Variants in DLGAP2 observed in about 807,000 individuals in gnomAD.
DLGAP2 encodes the protein disks large-associated protein 2.
In DLGAP2, 26 loss-of-function variants were observed where a neutral mutation model predicts 100.3. The observed-to-expected ratio is 0.26, with a 90% confidence interval of 0.19 to 0.36. DLGAP2 has a LOEUF of 0.36. Ranked by LOEUF, DLGAP2 falls within the 10% of genes least tolerant of loss-of-function variation. The pLI is 1.00. For missense variants in DLGAP2, 1,858 were observed against 1,453.2 expected (o/e 1.28, Z -4.53); for synonymous variants, 886 against 630.1 (o/e 1.41, Z -6.08).
At chr8:1,457,975 CATATAT>C (rs57897392) in intron 3 of DLGAP2, among the ~76,000 whole-genome samples, 2,922 of 107,676 alleles carry the variant, frequency 0.027, 72 homozygotes, top group East Asian at 0.13. Flanking sequence ...GTTCTCTGAT[CATATAT>C]ATATATATAT....
chr8:890,302 G>A (rs1359784237), intron 1 of DLGAP2, among the ~76,000 whole-genome samples: 1 of 152,200 alleles, frequency 6.6e-6, no homozygotes, highest in Non-Finnish European at 1.5e-5. Context: ...AGCGTGGTTT[G>A]CTGCAGGACT....
At chr8:1,216,968 CT>C (rs1459857893) in intron 2 of DLGAP2, among the ~76,000 whole-genome samples, 1 of 152,100 alleles carries the variant, frequency 6.6e-6, no homozygotes, top group East Asian at 1.9e-4. Context: ...TTTTCTTCAA[CT>C]TTTACCTTAG....
chr8:1,259,044 A>T (rs190848441), intron 3 of DLGAP2, among the ~76,000 whole-genome samples, 161 bp downstream of exon 3: 2 of 152,344 alleles, frequency 1.3e-5, no homozygotes, highest in African/African-American at 2.4e-5. Flanking sequence ...AATTGAAGCA[A>T]AGTGCAAGGT....
chr8:1,146,554 T>G (rs111642566), intron 2 of DLGAP2, among the ~76,000 whole-genome samples: 6 of 150,810 alleles, frequency 4.0e-5, no homozygotes, highest in Non-Finnish European at 7.4e-5. Context: ...TCTCTGGAAC[T>G]GTGTGTGTGC....
intron 3 of DLGAP2, among the ~76,000 whole-genome samples, chr8:1,287,169 C>CGT (rs1799942352): frequency 9.3e-6 from 1 of 108,068 alleles, no homozygotes; most frequent in African/African-American, 4.1e-5. Flanking sequence ...CGCGCGCGCG[C>CGT]GTGGTTCTGT....
chr8:1,432,093 A>G (rs1793337403), intron 3 of DLGAP2, among the ~76,000 whole-genome samples: 1 of 149,590 alleles, frequency 6.7e-6, no homozygotes, highest in African/African-American at 2.5e-5. Context: ...GCACTGCTAC[A>G]GGCTGCCATC....
At chr8:965,772 C>A (rs867006860) in intron 2 of DLGAP2, among the ~76,000 whole-genome samples, 1 of 144,802 alleles carries the variant, frequency 6.9e-6, no homozygotes, top group Non-Finnish European at 1.5e-5. Flanking sequence ...CCCTGCGCTG[C>A]ACACGGCACT....
chr8:1,261,876 C>T (rs1799357262), intron 3 of DLGAP2, among the ~76,000 whole-genome samples: 1 of 152,218 alleles, frequency 6.6e-6, no homozygotes, highest in Non-Finnish European at 1.5e-5. Context: ...CGAGTTAACT[C>T]ATAAATGTCA....
At chr8:1,682,893 C>T (rs781429062) in intron 12 of DLGAP2, among the ~76,000 whole-genome samples, 1 of 151,556 alleles carries the variant, frequency 6.6e-6, no homozygotes, top group African/African-American at 2.4e-5. Flanking sequence ...TTCCCCTAAA[C>T]ATATGTTTGG....
chr8:1,022,724 G>C (rs998347914), intron 2 of DLGAP2, among the ~76,000 whole-genome samples: 6 of 150,758 alleles, frequency 4.0e-5, no homozygotes, highest in African/African-American at 1.5e-4. Flanking sequence ...ACAGTACCGT[G>C]CCGAGGTAGA....
intron 2 of DLGAP2, among the ~76,000 whole-genome samples, chr8:974,177 C>T (rs1383355282): frequency 2.0e-5 from 3 of 152,064 alleles, no homozygotes; most frequent in Non-Finnish European, 4.4e-5. Context: ...CTAAAAGAAC[C>T]AGCAAGATAT....
chr8:1,128,172 C>G (rs1033012743), intron 2 of DLGAP2, among the ~76,000 whole-genome samples: 4 of 141,686 alleles, frequency 2.8e-5, no homozygotes, highest in African/African-American at 5.3e-5. Context: ...TGTTGTGTTC[C>G]GTGAGGACCT....
At chr8:1,003,195 G>C (rs558770416) in intron 2 of DLGAP2, 1 of 152,222 alleles carries the variant, frequency 6.6e-6, no homozygotes, top group Non-Finnish European at 1.5e-5. Context: ...GACTCTAAAG[G>C]GTGGGTCTCA....
At chr8:915,432 A>C (rs1323468374) in intron 2 of DLGAP2, among the ~76,000 whole-genome samples, 1 of 152,110 alleles carries the variant, frequency 6.6e-6, no homozygotes, top group Non-Finnish European at 1.5e-5. Context: ...CTGTAGTCCT[A>C]GCTACTCGGG....
intron 2 of DLGAP2, among the ~76,000 whole-genome samples, chr8:1,044,786 T>A (rs1802471229): frequency 6.6e-6 from 1 of 152,188 alleles, no homozygotes; most frequent in Non-Finnish European, 1.5e-5. Context: ...ATGGAAGAGC[T>A]ACCCCAGATC....
intron 4 of DLGAP2, among the ~76,000 whole-genome samples, chr8:1,539,858 C>T (rs536900977): frequency 2.7e-4 from 40 of 146,146 alleles, no homozygotes; most frequent in Non-Finnish European, 5.2e-4. Flanking sequence ...GTAGGGCCTC[C>T]CTTCCCTGCC....
intron 3 of DLGAP2, among the ~76,000 whole-genome samples, chr8:1,433,342 G>A (rs1445947077): frequency 6.6e-6 from 1 of 152,236 alleles, no homozygotes; most frequent in Non-Finnish European, 1.5e-5. Context: ...TCCAGTCCTA[G>A]GAGTGCATGG....
intron 2 of DLGAP2, among the ~76,000 whole-genome samples, chr8:1,097,181 T>C (rs1332720920): frequency 8.0e-6 from 1 of 125,692 alleles, no homozygotes; most frequent in African/African-American, 3.3e-5. Context: ...CAGCTCCCTC[T>C]GCTCAGGAGA....
At chr8:1,427,708 CTCTCT>C (rs1191387634) in intron 3 of DLGAP2, among the ~76,000 whole-genome samples, 2 of 152,186 alleles carry the variant, frequency 1.3e-5, no homozygotes, top group Admixed American at 6.5e-5. Context: ...CCTGTACAAG[CTCTCT>C]TCTCTTGTCT....
Sources: allele counts gnomAD v4.1 joint callset (sites outside exome capture counted in the v4.1 genomes callset), GRCh38; gene constraint gnomAD v4.1.1; transcripts MANE v1.5; gene names NCBI Gene and HGNC (gene_info 2026-07-23, HGNC 2026-07-21).